The following PMS1 variants were observed in gnomAD, a reference collection of about 807,000 sequenced individuals.
PMS1 encodes the protein PMS1 homolog 1, mismatch repair system component, also known as PMS1 protein homolog 1.
PMS1 carries 79 observed loss-of-function variants against 93.1 expected under a neutral mutation model. The observed-to-expected ratio is 0.85, with a 90% CI of 0.71 to 1.02. The LOEUF is 1.02. Ranked by LOEUF, PMS1 falls within the 50% of genes least tolerant of loss-of-function variation. The probability of loss-of-function intolerance (pLI) is 0.00; values close to 1 mark genes in which losing one functional copy is unlikely to be tolerated. For missense variants in PMS1, 1,064 were observed against 1,085.3 expected, an observed-to-expected ratio of 0.98 and a Z score of 0.28; for synonymous variants, 335 against 363.4, an observed-to-expected ratio of 0.92 and a Z score of 0.89.
At chr2:189,812,759 G>A (rs1206291166) in intron 4 of PMS1, among the ~76,000 whole-genome samples, 1 of 152,140 alleles carries the variant, frequency 6.6e-6, no homozygotes, top group Admixed American at 6.5e-5. Context: ...GTAATACAAA[G>A]TTATATAGCT....
At chr2:189,836,296 T>C (rs1298633074) in intron 5 of PMS1, among the ~76,000 whole-genome samples, 1 of 152,220 alleles carries the variant, frequency 6.6e-6, no homozygotes, top group African/African-American at 2.4e-5. Flanking sequence ...GTGCATGTAA[T>C]AATATATTTT....
chr2:189,788,483 C>G (rs1039975795), intron 1 of PMS1, among the ~76,000 whole-genome samples: 5 of 152,074 alleles, frequency 3.3e-5, no homozygotes, highest in Admixed American at 2.6e-4. Flanking sequence ...GTTTAATTTC[C>G]TCAGTGTTAC....
At chr2:189,856,063 A>C (rs2055299313) in intron 9 of PMS1, 1 of 166,132 alleles carries the variant, frequency 6.0e-6, no homozygotes, top group Admixed American at 6.5e-5. Context: ...CAGTCTTATA[A>C]AAACAATATC....
chr2:189,870,724 A>G (rs2057075550), intron 11 of PMS1, among the ~76,000 whole-genome samples: 2 of 152,232 alleles, frequency 1.3e-5, no homozygotes, highest in Admixed American at 6.5e-5. Context: ...ACCAATAGTG[A>G]AAAATCACTT....
chr2:189,855,874 C>T lies in PMS1; in HGVS notation c.1856+746C>T, dbSNP rs112146892. On this transcript the variant is annotated intron_variant, in intron 9 of 12. Coordinates refer to ENST00000441310, the MANE Select transcript of PMS1 (RefSeq NM_000534.5). ...AATATTATGTTCTGGTGATCTAATC[C>T]AGCAGAAAATGAGAGTGAAATTATA... The T allele has an allele frequency of 1.8e-4, 204 of 1,110,480 alleles. No individual in the cohort carries two copies. In the African/African-American group the frequency reaches 3.0e-3, roughly 16 times the overall value. 68.8% of individuals were successfully genotyped at this position (1,110,480 alleles called of 1,614,324 possible).
At chr2:189,867,523 T>G (rs928622589) in intron 10 of PMS1, among the ~76,000 whole-genome samples, 2 of 149,498 alleles carry the variant, frequency 1.3e-5, no homozygotes, top group East Asian at 4.0e-4. Flanking sequence ...TTATAAAGTT[T>G]TCATTTGTAT....
chr2:189,856,412 C>T (rs1051850241), intron 9 of PMS1, among the ~76,000 whole-genome samples: 8 of 151,944 alleles, frequency 5.3e-5, no homozygotes, highest in African/African-American at 1.9e-4. Context: ...TTAAACATAA[C>T]CATAATTGTC....
At chr2:189,796,334 G>C (rs895163669) in intron 3 of PMS1, among the ~76,000 whole-genome samples, 1 of 152,084 alleles carries the variant, frequency 6.6e-6, no homozygotes, top group Non-Finnish European at 1.5e-5. Context: ...CTCCCACCTA[G>C]GCAAGATAGA....
At chr2:189,844,198 G>A (rs1227762650) in intron 6 of PMS1, 118 bp downstream of exon 6, 15 of 1,515,266 alleles carry the variant, frequency 9.9e-6, no homozygotes, top group Non-Finnish European at 1.3e-5. Context: ...AATCAAATAT[G>A]TGTGTAAGGT....
At chr2:189,800,396 A>C (rs915631344) in intron 3 of PMS1, among the ~76,000 whole-genome samples, 1 of 152,222 alleles carries the variant, frequency 6.6e-6, no homozygotes, top group Non-Finnish European at 1.5e-5. Flanking sequence ...GGAGTAGGTG[A>C]GTTGAAACTT....
chr2:189,875,470 T>C (rs1344540536), intron 12 of PMS1, among the ~76,000 whole-genome samples: 1 of 151,966 alleles, frequency 6.6e-6, no homozygotes, highest in Non-Finnish European at 1.5e-5. Flanking sequence ...CATGTATAAG[T>C]GGACCCACAC....
intron 4 of PMS1, among the ~76,000 whole-genome samples, chr2:189,812,053 C>T (rs760009506): frequency 6.6e-6 from 1 of 152,118 alleles, no homozygotes; most frequent in African/African-American, 2.4e-5. Context: ...GTAATCCCAG[C>T]ACTTTGGGAG....
At chr2:189,832,248 T>A (rs1349317503) in intron 5 of PMS1, among the ~76,000 whole-genome samples, 1 of 152,146 alleles carries the variant, frequency 6.6e-6, no homozygotes, top group East Asian at 1.9e-4. Flanking sequence ...AAGAGATGAT[T>A]GGGATGGCTT....
At chr2:189,819,467 A>G (rs936254596) in intron 5 of PMS1, among the ~76,000 whole-genome samples, 1 of 152,164 alleles carries the variant, frequency 6.6e-6, no homozygotes, top group Non-Finnish European at 1.5e-5. Flanking sequence ...ACTGTTTTCC[A>G]TAGAGGTTAT....
chr2:189,843,611 G>A (rs894148768), intron 5 of PMS1, among the ~76,000 whole-genome samples: 1 of 152,174 alleles, frequency 6.6e-6, no homozygotes, highest in East Asian at 1.9e-4. Flanking sequence ...TGAATGTGAG[G>A]ATTGGAGGTG....
intron 3 of PMS1, 104 bp from the exon 4 acceptor site, chr2:189,805,548 C>T (rs1008723382): frequency 8.7e-5 from 80 of 919,362 alleles, no homozygotes; most frequent in East Asian, 8.0e-4. Context: ...AGGTAAAATA[C>T]GCTATTGAGT....
intron 11 of PMS1, among the ~76,000 whole-genome samples, chr2:189,872,211 A>C (rs2057211887): frequency 6.6e-6 from 1 of 152,090 alleles, no homozygotes; most frequent in African/African-American, 2.4e-5. Flanking sequence ...AATATTATAT[A>C]TTATTCTCCA....
chr2:189,786,817 C>T (rs190912907), intron 1 of PMS1, among the ~76,000 whole-genome samples: 5 of 152,136 alleles, frequency 3.3e-5, no homozygotes, highest in African/African-American at 7.2e-5. Context: ...TTTGGGAGGC[C>T]GAGGCGGGCG....
In PMS1 at chr2:189,864,688, ATATATATATATATATAT is replaced by A. The variant is rs1361835320; in HGVS notation, c.2342+461_2342+477del. The stretch of plus-strand genomic sequence containing the variant: ...AAAAAAAAAAAAAAAAAAAAAAAAA[ATATATATATATATATAT>A]ATATATATATATATATATATATATA... On this transcript the variant is annotated intron_variant, in intron 10 of 12. Coordinates refer to ENST00000441310, the MANE Select transcript of PMS1 (RefSeq NM_000534.5). 2.2e-3 allele frequency among the ~76,000 whole-genome samples: 10 copies of A among 4,494 alleles called. 1 individual carries two copies. Among genetic ancestry groups the A allele is most frequent in the East Asian group, 8.8e-3 (1 of 114 alleles). The allele number at this position is 4,494 out of a possible 152,430, so 2.9% of individuals were successfully genotyped here. A position where few individuals can be genotyped will look rare whatever the true frequency, so the allele number is the denominator to read the frequency against.
Sources: allele counts gnomAD v4.1 joint callset (sites outside exome capture counted in the v4.1 genomes callset), GRCh38; gene constraint gnomAD v4.1.1; transcripts MANE v1.5; gene names NCBI Gene and HGNC (gene_info 2026-07-23, HGNC 2026-07-21).